The following L3MBTL4 variants were observed in gnomAD, a reference collection of about 807,000 sequenced individuals.
The protein encoded by L3MBTL4 is lethal(3)malignant brain tumor-like protein 4.
A neutral mutation model predicts 84.5 loss-of-function variants in L3MBTL4; 70 were observed. The ratio of observed to expected loss-of-function variants is 0.83; its 90% CI spans 0.68 to 1.01. The LOEUF is 1.01. Ranked by LOEUF, L3MBTL4 falls within the 50% of genes least tolerant of loss-of-function variation. The pLI is 0.00. For synonymous variants in L3MBTL4, 274 were observed against 259.8 expected, an observed-to-expected ratio of 1.05 and a Z score of -0.52; for missense variants, 715 against 754.8, an observed-to-expected ratio of 0.95 and a Z score of 0.62.
At chr18:6,130,002 T>C (rs537329312) in intron 14 of L3MBTL4, among the ~76,000 whole-genome samples, 67 of 152,356 alleles carry the variant, frequency 4.4e-4, no homozygotes, top group African/African-American at 1.5e-3. Context: ...ATTTTATTTC[T>C]CCTTATATTT....
chr18:6,032,941 T>C (rs772365353), intron 16 of L3MBTL4, among the ~76,000 whole-genome samples: 4 of 152,242 alleles, frequency 2.6e-5, no homozygotes, highest in Non-Finnish European at 5.9e-5. Flanking sequence ...ATTTGTGACC[T>C]AACCTATGTT....
chr18:6,215,778 T>C lies in L3MBTL4; in HGVS notation c.842A>G (p.Asn281Ser). The change falls in exon 11 of 19, where the codon AAT (asparagine) becomes AGT (serine). Residue 281 changes from asparagine to serine, a missense_variant. By Grantham distance (46) the Asn-to-Ser change is conservative (BLOSUM62 1). Coordinates refer to ENST00000317931, the MANE Select transcript of L3MBTL4 (RefSeq NM_001330559.2). ...TTTAAAAACTTTGGCAGGAACTGCATTGGTTTGAGTAGCTTCCAGGTATTC... is the reference window on the plus strand; with the variant it reads ...TTTAAAAACTTTGGCAGGAACTGCACTGGTTTGAGTAGCTTCCAGGTATTC... ...WTEYLEATQTNAVPAKVFKMR... is the reference protein window; with the variant it reads ...WTEYLEATQTSAVPAKVFKMR... 13 of 1,607,362 alleles carry C rather than the reference T, an allele frequency of 8.1e-6. No individual in the cohort carries two copies. The highest frequency in any genetic ancestry group is 1.0e-5 in the Non-Finnish European group (12 of 1,177,078).
chr18:6,380,375 C>T (rs144088257), intron 1 of L3MBTL4, among the ~76,000 whole-genome samples: 16 of 152,224 alleles, frequency 1.1e-4, no homozygotes, highest in Non-Finnish European at 1.8e-4. Context: ...AATTTGTTTG[C>T]TCTTGCTTCT....
chr18:6,328,423 C>T (rs540183361), intron 1 of L3MBTL4, among the ~76,000 whole-genome samples: 44 of 152,250 alleles, frequency 2.9e-4, no homozygotes, highest in African/African-American at 1.0e-3. Context: ...CCAACAAATG[C>T]CTCTCTGAAG....
intron 14 of L3MBTL4, among the ~76,000 whole-genome samples, chr18:6,107,222 G>T (rs2059040328): frequency 2.0e-5 from 3 of 152,176 alleles, no homozygotes. Context: ...GGAGGCAGAG[G>T]CAGGTTCTTG....
chr18:6,184,688 G>A (rs1330177545), intron 12 of L3MBTL4, among the ~76,000 whole-genome samples: 1 of 152,144 alleles, frequency 6.6e-6, no homozygotes, highest in Non-Finnish European at 1.5e-5. Flanking sequence ...CAAGGATTTT[G>A]ATCTAACTAC....
At chr18:6,056,456 A>G (rs2057025265) in intron 16 of L3MBTL4, among the ~76,000 whole-genome samples, 1 of 152,180 alleles carries the variant, frequency 6.6e-6, no homozygotes, top group Admixed American at 6.5e-5. Flanking sequence ...CTGAAGTGTT[A>G]TTAGCCTACT....
chr18:6,102,612 T>A (rs1241204957), intron 14 of L3MBTL4, among the ~76,000 whole-genome samples: 1 of 152,230 alleles, frequency 6.6e-6, no homozygotes, highest in East Asian at 1.9e-4. Context: ...TTTAGCCCAC[T>A]GGGCTCCTGG....
chr18:6,207,664 G>GA (rs1484489204), intron 12 of L3MBTL4, among the ~76,000 whole-genome samples: 1 of 152,096 alleles, frequency 6.6e-6, no homozygotes, highest in Non-Finnish European at 1.5e-5. Flanking sequence ...TAACACTTCT[G>GA]AAAATTGTCC....
At chr18:6,277,967 G>A (rs2049161223) in intron 4 of L3MBTL4, among the ~76,000 whole-genome samples, 1 of 151,940 alleles carries the variant, frequency 6.6e-6, no homozygotes, top group East Asian at 1.9e-4. Context: ...GCAGCTAAGT[G>A]GAGGAACCAT....
intron 17 of L3MBTL4, chr18:5,960,518 T>C (rs1057256869): frequency 2.6e-5 from 4 of 156,814 alleles, no homozygotes; most frequent in South Asian, 2.0e-4. Context: ...ACAGCGACCA[T>C]TAGGAGTAAG....
intron 1 of L3MBTL4, among the ~76,000 whole-genome samples, chr18:6,405,875 G>C (rs1181678860): frequency 6.6e-6 from 1 of 152,208 alleles, no homozygotes; most frequent in African/African-American, 2.4e-5. Context: ...CCATGGTTAT[G>C]AGTTTCCTGG....
At chr18:6,221,438 A>G (rs972322878) in intron 10 of L3MBTL4, among the ~76,000 whole-genome samples, 2 of 152,204 alleles carry the variant, frequency 1.3e-5, no homozygotes, top group Non-Finnish European at 2.9e-5. Context: ...CACAATAGAC[A>G]GAATGTTCAG....
rs112994838 is a variant in L3MBTL4 at position 6,066,366 on chromosome 18, T to C, written c.1444+14515A>G. Among the ~76,000 whole-genome samples, 60 of 152,272 alleles carry C rather than the reference T, an allele frequency of 3.9e-4. 2 individuals carry two copies. Among genetic ancestry groups the C allele is most frequent in the African/African-American group, 1.4e-3 (60 of 41,572 alleles). ...GACTGTTCTGTAAACACCTGTTAAG[T>C]CCATTTGTTCTAGGGTATAGTTTAA... On this transcript the variant is annotated intron_variant, in intron 16 of 18. Transcript: ENST00000317931.
chr18:6,293,364 G>A (rs1032460098), intron 4 of L3MBTL4, among the ~76,000 whole-genome samples: 2 of 152,056 alleles, frequency 1.3e-5, no homozygotes, highest in Non-Finnish European at 1.5e-5. Flanking sequence ...GTCAGAAAAC[G>A]TCGAAGTGCT....
intron 4 of L3MBTL4, among the ~76,000 whole-genome samples, chr18:6,294,917 A>G (rs949797073): frequency 6.6e-6 from 1 of 152,150 alleles, no homozygotes; most frequent in Non-Finnish European, 1.5e-5. Context: ...AAAGATTTTA[A>G]TACGGTGTTT....
At chr18:6,146,111 A>C (rs2042640246) in intron 13 of L3MBTL4, among the ~76,000 whole-genome samples, 1 of 152,202 alleles carries the variant, frequency 6.6e-6, no homozygotes, top group Non-Finnish European at 1.5e-5. Context: ...GGGAGATGAG[A>C]CGGCGTGGGC....
chr18:6,161,500 A>T (rs1329268861), intron 13 of L3MBTL4, among the ~76,000 whole-genome samples: 1 of 152,192 alleles, frequency 6.6e-6, no homozygotes, highest in African/African-American at 2.4e-5. Context: ...CACGGTGTGC[A>T]CTCTACCTTG....
At chr18:6,199,400 G>T (rs1225387381) in intron 12 of L3MBTL4, among the ~76,000 whole-genome samples, 1 of 152,194 alleles carries the variant, frequency 6.6e-6, no homozygotes, top group African/African-American at 2.4e-5. Context: ...CACTTCAAGT[G>T]CCCAACAGCC....
Sources: allele counts gnomAD v4.1 joint callset (sites outside exome capture counted in the v4.1 genomes callset), GRCh38; gene constraint gnomAD v4.1.1; transcripts MANE v1.5; gene names NCBI Gene and HGNC (gene_info 2026-07-23, HGNC 2026-07-21).